Variants in PHKB observed in about 807,000 individuals in gnomAD.
PHKB encodes phosphorylase b kinase regulatory subunit beta.
In PHKB, 122 loss-of-function variants were observed where a neutral mutation model predicts 152.1. The ratio of observed to expected loss-of-function variants is 0.80; its 90% CI spans 0.69 to 0.93. PHKB has a LOEUF of 0.93. PHKB is among the 40% of genes least tolerant of loss of function. PHKB has a pLI of 0.00. For synonymous variants in PHKB, 436 were observed against 464.9 expected (o/e 0.94, Z 0.80); for missense variants, 1,304 against 1,328.4 (o/e 0.98, Z 0.29).
intron 26 of PHKB, among the ~76,000 whole-genome samples, chr16:47,669,680 TCAA>T (rs900833251): frequency 6.6e-6 from 1 of 152,220 alleles, no homozygotes; most frequent in African/African-American, 2.4e-5. Context: ...CCCAGAAATT[TCAA>T]CAGCTGTGTC....
chr16:47,645,935 C>T (rs1973110928), intron 16 of PHKB, among the ~76,000 whole-genome samples: 1 of 68,904 alleles, frequency 1.5e-5, no homozygotes, highest in Non-Finnish European at 2.9e-5. Flanking sequence ...GTTGGTGGGA[C>T]TGTAAACTAG....
chr16:47,669,202 C>A lies in PHKB; in HGVS notation c.2428-13C>A. ...GCTAGGAGAATTTTACAATAAAATT[C>A]TGCCACTTGTAGGTAACTCTGGGTG... On this transcript the variant is annotated splice_polypyrimidine_tract_variant and intron_variant, in intron 25 of 30. Coordinates refer to ENST00000323584, the MANE Select transcript of PHKB (RefSeq NM_000293.3). The A allele has an allele frequency of 7.5e-6, 12 of 1,604,024 alleles. No individual in the cohort carries two copies. The highest frequency in any genetic ancestry group is 9.4e-6 in the Non-Finnish European group (11 of 1,171,046).
intron 20 of PHKB, among the ~76,000 whole-genome samples, chr16:47,652,348 C>A: frequency 6.7e-6 from 1 of 148,720 alleles, no homozygotes; most frequent in South Asian, 2.2e-4. Flanking sequence ...AATAGTTTTT[C>A]AATCCTTGCC....
At chr16:47,530,152 T>TC (rs1184707633) in intron 6 of PHKB, among the ~76,000 whole-genome samples, 2 of 149,018 alleles carry the variant, frequency 1.3e-5, no homozygotes, top group Non-Finnish European at 3.0e-5. Context: ...TTTTTTTTTT[T>TC]CCAGACAGAG....
Position 47,648,599 on chromosome 16 carries a change from T to A in PHKB, c.1675T>A (p.Cys559Ser). The A allele has an allele frequency of 6.2e-7, 1 of 1,612,288 alleles. No individual in the cohort carries two copies. The highest frequency in any genetic ancestry group is 1.1e-5 in the South Asian group (1 of 91,048). ...TGGAAGGCCAGACAGGCCCATTGGC[T>A]GCCTCGGGACATCAAAGGTACTCAT... is the stretch of plus-strand genomic sequence containing the variant. ...LSGRPDRPIG[C>S]LGTSKIYRIL... Residue 559 changes from cysteine to serine, a missense_variant, in exon 17 of 31, where the codon TGC (cysteine) becomes AGC (serine). By Grantham distance (112) the Cys-to-Ser change is moderately radical (BLOSUM62 -1). Coordinates refer to ENST00000323584, the MANE Select transcript of PHKB (RefSeq NM_000293.3).
At chr16:47,629,133 A>T (rs1436565844) in intron 14 of PHKB, among the ~76,000 whole-genome samples, 1 of 152,250 alleles carries the variant, frequency 6.6e-6, no homozygotes, top group African/African-American at 2.4e-5. Context: ...CATGTCTAAA[A>T]CACCAAAAGC....
chr16:47,631,707 T>G (rs1972830905), intron 14 of PHKB, among the ~76,000 whole-genome samples: 1 of 152,168 alleles, frequency 6.6e-6, no homozygotes, highest in African/African-American at 2.4e-5. Flanking sequence ...CAACTCCCGC[T>G]TATGAATGAA....
intron 13 of PHKB, among the ~76,000 whole-genome samples, chr16:47,601,670 A>G (rs901533446): frequency 6.6e-6 from 1 of 151,170 alleles, no homozygotes; most frequent in African/African-American, 2.4e-5. Flanking sequence ...ATGCCACTGC[A>G]CTCCAGCCTG....
intron 26 of PHKB, among the ~76,000 whole-genome samples, chr16:47,685,606 G>A (rs1044191391): frequency 6.6e-6 from 1 of 152,080 alleles, no homozygotes; most frequent in South Asian, 2.1e-4. Context: ...TTTACTTTCT[G>A]TAGATTTCTG....
intron 7 of PHKB, among the ~76,000 whole-genome samples, chr16:47,551,752 C>G (rs1246444569): frequency 1.3e-5 from 2 of 152,168 alleles, no homozygotes; most frequent in Non-Finnish European, 1.5e-5. Flanking sequence ...GAGCTAAGTT[C>G]AAGTCCTGAA....
chr16:47,544,737 G>A (rs1265387133), intron 6 of PHKB, among the ~76,000 whole-genome samples: 2 of 152,146 alleles, frequency 1.3e-5, no homozygotes, highest in Non-Finnish European at 2.9e-5. Context: ...CTCTTTGTAA[G>A]TCTCTAAGGA....
At chr16:47,560,494 C>A (rs1390462020) in intron 7 of PHKB, among the ~76,000 whole-genome samples, 1 of 152,196 alleles carries the variant, frequency 6.6e-6, no homozygotes, top group African/African-American at 2.4e-5. Context: ...CAGAACTGGA[C>A]TCACACTTTT....
Position 47,553,518 on chromosome 16 carries a change from C to T in PHKB, c.710+5970C>T, listed in dbSNP as rs1213911833. 2.0e-5 allele frequency among the ~76,000 whole-genome samples: 3 copies of T among 152,070 alleles called. No homozygotes were observed. The South Asian group carries it at 6.2e-4, about 31-fold the overall frequency. ...CTCAGAGGAGCTTGTTATTACCCAC[C>T]TTCTGAAGCCTACTTCTGTCAGTTC... is the stretch of plus-strand genomic sequence containing the variant. On this transcript the variant is annotated intron_variant, in intron 7 of 30. Transcript: ENST00000323584.
chr16:47,685,579 G>C (rs1159056535), intron 26 of PHKB, among the ~76,000 whole-genome samples: 1 of 152,048 alleles, frequency 6.6e-6, no homozygotes, highest in African/African-American at 2.4e-5. Flanking sequence ...ATTCTTAACT[G>C]TGTTACTCCT....
chr16:47,679,388 C>A (rs1160437996), intron 26 of PHKB, among the ~76,000 whole-genome samples: 1 of 152,188 alleles, frequency 6.6e-6, no homozygotes, highest in African/African-American at 2.4e-5. Flanking sequence ...GATATTGATT[C>A]TTCCTACTCA....
chr16:47,593,361 G>A (rs1972064252), intron 10 of PHKB, 139 bp from the exon 11 acceptor site: 2 of 604,880 alleles, frequency 3.3e-6, no homozygotes, highest in South Asian at 3.9e-5. Context: ...GATCCCTTGA[G>A]CCCAGGAGGG....
chr16:47,621,228 T>C (rs1000341569), intron 14 of PHKB, among the ~76,000 whole-genome samples: 11 of 152,148 alleles, frequency 7.2e-5, no homozygotes, highest in East Asian at 1.9e-4. Flanking sequence ...TAAGTGACTT[T>C]AGTGGAGTAG....
chr16:47,574,392 C>T (rs182998603), intron 7 of PHKB, among the ~76,000 whole-genome samples: 9 of 152,320 alleles, frequency 5.9e-5, no homozygotes, highest in Admixed American at 5.9e-4. Context: ...TTGCCACCCA[C>T]AGCTTTCAAA....
chr16:47,566,631 T>A, intron 7 of PHKB: 1 of 1,162,740 alleles, frequency 8.6e-7, no homozygotes. Flanking sequence ...TTTGGGAAGA[T>A]GGCTCCAGTC....
Sources: gnomAD v4.1 joint callset for allele counts (sites outside exome capture counted in the v4.1 genomes callset) on GRCh38, gnomAD v4.1.1 for gene constraint, MANE v1.5 for transcripts, NCBI Gene and HGNC (gene_info 2026-07-23, HGNC 2026-07-21) for gene names.